PRKN: variants seen among roughly 807,000 people sequenced by gnomAD.
PRKN encodes E3 ubiquitin-protein ligase parkin.
A neutral mutation model predicts 59.5 loss-of-function variants in PRKN; 56 were observed. The observed-to-expected ratio is 0.94, with a 90% CI of 0.76 to 1.18. The LOEUF (loss-of-function observed/expected upper bound fraction) is 1.18. Ranked by LOEUF, PRKN falls within the 50% of genes most tolerant of loss-of-function variation. The probability of loss-of-function intolerance (pLI) is 0.00; values close to 1 mark genes in which losing one functional copy is unlikely to be tolerated. For missense variants in PRKN, 657 were observed against 596.4 expected, an observed-to-expected ratio of 1.10 and a Z score of -1.06; for synonymous variants, 250 against 222.1, an observed-to-expected ratio of 1.13 and a Z score of -1.12.
In PRKN at chr6:161,480,591, G is replaced by A. The variant is rs1270569660; in HGVS notation, c.1083+68263C>T. Among the ~76,000 whole-genome samples the A allele has an allele frequency of 1.3e-5, 2 of 152,160 alleles. No individual in the cohort carries two copies. The highest frequency in any genetic ancestry group is 2.9e-5 in the Non-Finnish European group (2 of 68,032). ...CCTGGTTCTGGGCTTTGGGGCACAA[G>A]GAGCCAAGTACACTATTACAGGAAG... On this transcript the variant is annotated intron_variant, in intron 9 of 11. Transcript: ENST00000366898. The surrounding 1 kb of genome is among the most constrained non-coding windows in gnomAD (Gnocchi z 4.1).
intron 1 of PRKN, among the ~76,000 whole-genome samples, chr6:162,519,498 G>A (rs1453702148): frequency 1.3e-5 from 2 of 152,130 alleles, no homozygotes; most frequent in Non-Finnish European, 2.9e-5. Context: ...ATTCTTAGGT[G>A]ATGCTTAGAT....
intron 6 of PRKN, among the ~76,000 whole-genome samples, chr6:161,899,207 G>T (rs539484688): frequency 2.0e-5 from 3 of 152,206 alleles, no homozygotes; most frequent in Non-Finnish European, 4.4e-5. Flanking sequence ...AGAAACTTCA[G>T]GGAGATATTT....
chr6:161,555,745 C>G (rs948304200), intron 8 of PRKN, among the ~76,000 whole-genome samples: 5 of 152,146 alleles, frequency 3.3e-5, no homozygotes, highest in African/African-American at 1.2e-4. Flanking sequence ...ATTCCTCTAT[C>G]CTTTTGTGCA....
chr6:162,043,333 GT>G (rs1350428023), intron 5 of PRKN, among the ~76,000 whole-genome samples: 2 of 152,170 alleles, frequency 1.3e-5, no homozygotes, highest in Non-Finnish European at 2.9e-5. Flanking sequence ...AAATATAGAT[GT>G]TTTTGAATAA....
intron 1 of PRKN, among the ~76,000 whole-genome samples, chr6:162,714,344 C>T (rs1778647030): frequency 6.6e-6 from 1 of 152,152 alleles, no homozygotes; most frequent in Non-Finnish European, 1.5e-5. Flanking sequence ...CTTTGTCTAA[C>T]CAGGGGCTGA....
chr6:162,639,049 G>C (rs1777862458), intron 1 of PRKN, among the ~76,000 whole-genome samples: 1 of 152,078 alleles, frequency 6.6e-6, no homozygotes, highest in Non-Finnish European at 1.5e-5. Flanking sequence ...ATACGAGCTA[G>C]GTCAAGTTTG....
At chr6:162,354,499 T>C (rs192658016) in intron 2 of PRKN, among the ~76,000 whole-genome samples, 1 of 152,198 alleles carries the variant, frequency 6.6e-6, no homozygotes, top group East Asian at 1.9e-4. Context: ...CAAAATGTAC[T>C]TTTTAAAGTA....
At chr6:162,168,681 C>T (rs1260531224) in intron 4 of PRKN, among the ~76,000 whole-genome samples, 2 of 151,468 alleles carry the variant, frequency 1.3e-5, no homozygotes, top group African/African-American at 4.9e-5. Context: ...AGCTACTAAC[C>T]TCAGCATCTC....
In PRKN at chr6:162,464,541, C is replaced by T. The variant is rs192367876; in HGVS notation, c.8-21068G>A. Among the ~76,000 whole-genome samples the T allele has an allele frequency of 3.2e-3, 493 of 151,718 alleles. 5 individuals carry two copies. The highest frequency in any genetic ancestry group is 0.011 in the African/African-American group (468 of 41,362). On this transcript the variant is annotated intron_variant, in intron 1 of 11. Transcript: ENST00000366898. Reference sequence around the variant, plus strand: ...AGAAATTTGTCTACAAATGGCCGGGCGCAGTGGCTCATGCCTGTAATCCTA... The same window carrying T: ...AGAAATTTGTCTACAAATGGCCGGGTGCAGTGGCTCATGCCTGTAATCCTA...
At chr6:161,744,703 G>A (rs977115206) in intron 7 of PRKN, among the ~76,000 whole-genome samples, 1 of 152,156 alleles carries the variant, frequency 6.6e-6, no homozygotes, top group Non-Finnish European at 1.5e-5. Context: ...TCCTAGCTTC[G>A]AGAATGATGC....
chr6:161,638,228 G>A (rs553648779), intron 7 of PRKN, among the ~76,000 whole-genome samples: 16 of 151,938 alleles, frequency 1.1e-4, no homozygotes, highest in Non-Finnish European at 2.1e-4. Flanking sequence ...CACCTGCTGG[G>A]TTGAAGCCAT....
At chr6:162,356,781 A>G (rs1784884539) in intron 2 of PRKN, among the ~76,000 whole-genome samples, 1 of 150,514 alleles carries the variant, frequency 6.6e-6, no homozygotes, top group Admixed American at 6.6e-5. Context: ...GATAAGATAG[A>G]CAATAAACAA....
At chr6:162,229,418 C>T (rs1014237824) in intron 3 of PRKN, among the ~76,000 whole-genome samples, 9 of 152,218 alleles carry the variant, frequency 5.9e-5, no homozygotes, top group African/African-American at 1.9e-4. Context: ...GCGTCACCCA[C>T]GCAAGCACCT....
At chr6:161,834,801 C>T (rs751532899) in intron 6 of PRKN, among the ~76,000 whole-genome samples, 12 of 152,194 alleles carry the variant, frequency 7.9e-5, no homozygotes, top group Non-Finnish European at 1.3e-4. Context: ...GGAGGGGTCC[C>T]TCCCAGGCCA....
At chr6:161,720,028 G>A (rs1055117425) in intron 7 of PRKN, among the ~76,000 whole-genome samples, 4 of 152,142 alleles carry the variant, frequency 2.6e-5, no homozygotes, top group Admixed American at 6.5e-5. Flanking sequence ...CCAGTTTTCC[G>A]TGGTTCTGCT....
chr6:162,185,681 G>A (rs138198493), intron 4 of PRKN, among the ~76,000 whole-genome samples: 284 of 152,240 alleles, frequency 1.9e-3, no homozygotes, highest in African/African-American at 6.5e-3. Context: ...GATACCATGA[G>A]ATGGAATTTA....
chr6:161,893,391 G>C (rs1260464794), intron 6 of PRKN, among the ~76,000 whole-genome samples: 1 of 152,160 alleles, frequency 6.6e-6, no homozygotes, highest in African/African-American at 2.4e-5. Context: ...ATGAAGTTGA[G>C]TTAGCTTTGT....
intron 9 of PRKN, among the ~76,000 whole-genome samples, chr6:161,485,611 G>C (rs569847338): frequency 6.6e-6 from 1 of 152,260 alleles, no homozygotes; most frequent in South Asian, 2.1e-4. Flanking sequence ...CTAAAATTTA[G>C]ATGCAATATG....
chr6:161,683,887 G>T, intron 7 of PRKN, among the ~76,000 whole-genome samples: 1 of 152,018 alleles, frequency 6.6e-6, no homozygotes, highest in East Asian at 1.9e-4. Flanking sequence ...TTAAATGAGA[G>T]AATATAGGGC....
Sources: gnomAD v4.1 joint callset for allele counts (sites outside exome capture counted in the v4.1 genomes callset) on GRCh38, gnomAD v4.1.1 for gene constraint, Gnocchi (gnomAD v3.1) non-coding constraint, MANE v1.5 for transcripts, NCBI Gene and HGNC (gene_info 2026-07-23, HGNC 2026-07-21) for gene names.